Variants in DPP10 observed in about 807,000 individuals in gnomAD.
DPP10 encodes dipeptidyl peptidase like 10.
In DPP10, 33 loss-of-function variants were observed where a neutral mutation model predicts 120.9. The ratio of observed to expected loss-of-function variants is 0.27; its 90% CI spans 0.21 to 0.37. The LOEUF (loss-of-function observed/expected upper bound fraction) is 0.37. Ranked by LOEUF, DPP10 falls within the 10% of genes least tolerant of loss-of-function variation. DPP10 has a pLI of 1.00. For synonymous variants in DPP10, 337 were observed against 326.1 expected (o/e 1.03, Z -0.36); for missense variants, 816 against 942.8 (o/e 0.87, Z 1.76).
chr2:114,542,402 C>T (rs186574993), intron 1 of DPP10, among the ~76,000 whole-genome samples: 1 of 152,220 alleles, frequency 6.6e-6, no homozygotes, highest in East Asian at 1.9e-4. Context: ...AATGGCATAC[C>T]AGTTCTCCCC....
chr2:115,475,919 A>C (rs2075047918), intron 3 of DPP10, among the ~76,000 whole-genome samples: 1 of 152,200 alleles, frequency 6.6e-6, no homozygotes, highest in Admixed American at 6.5e-5. Flanking sequence ...GCCTATACCA[A>C]CATTGTATCT....
chr2:114,928,347 A>T (rs978506047), intron 1 of DPP10, among the ~76,000 whole-genome samples: 7 of 152,210 alleles, frequency 4.6e-5, no homozygotes, highest in Non-Finnish European at 1.0e-4. Context: ...TCTCATTCCA[A>T]GAGGGAGAGA....
At chr2:114,846,264 T>C (rs1218297273) in intron 1 of DPP10, among the ~76,000 whole-genome samples, 1 of 152,172 alleles carries the variant, frequency 6.6e-6, no homozygotes, top group East Asian at 1.9e-4. Flanking sequence ...TGACACATTA[T>C]ATTGAAAAAT....
At chr2:114,524,195 G>A (rs1558842923) in intron 1 of DPP10, among the ~76,000 whole-genome samples, 1 of 152,214 alleles carries the variant, frequency 6.6e-6, no homozygotes, top group African/African-American at 2.4e-5. Flanking sequence ...GATGACATTT[G>A]TGCTTTAGCA....
intron 1 of DPP10, among the ~76,000 whole-genome samples, chr2:114,785,085 C>G (rs953620577): frequency 3.9e-5 from 6 of 152,166 alleles, no homozygotes; most frequent in African/African-American, 9.7e-5. Context: ...GGAGTCCTTT[C>G]TGGTCACCGG....
chr2:115,056,977 C>T (rs1383145742), intron 1 of DPP10, among the ~76,000 whole-genome samples: 1 of 152,174 alleles, frequency 6.6e-6, no homozygotes. Context: ...GAATAGACTT[C>T]GCTTCACTTT....
intron 1 of DPP10, among the ~76,000 whole-genome samples, chr2:114,664,060 T>A (rs994685692): frequency 1.3e-5 from 2 of 151,978 alleles, no homozygotes; most frequent in Admixed American, 1.3e-4. Flanking sequence ...ACAGTTTGAA[T>A]ATTTTAAACT....
At chr2:115,132,945 T>G (rs1313157683) in intron 1 of DPP10, among the ~76,000 whole-genome samples, 1 of 151,834 alleles carries the variant, frequency 6.6e-6, no homozygotes, top group East Asian at 1.9e-4. Context: ...CAAGTAGTGT[T>G]AGAAATTTCC....
At chr2:115,815,960 A>ATTAT (rs1687182375) in intron 21 of DPP10, among the ~76,000 whole-genome samples, 1 of 151,316 alleles carries the variant, frequency 6.6e-6, no homozygotes, top group Non-Finnish European at 1.5e-5. Flanking sequence ...ACATATATGT[A>ATTAT]TTATTTGTAT....
chr2:115,471,084 T>C (rs147002571), intron 3 of DPP10, among the ~76,000 whole-genome samples: 1 of 152,308 alleles, frequency 6.6e-6, no homozygotes, highest in Non-Finnish European at 1.5e-5. Context: ...GCATTAATAT[T>C]TATTTTGGTG....
intron 1 of DPP10, among the ~76,000 whole-genome samples, chr2:114,715,206 A>G (rs988958607): frequency 6.6e-6 from 1 of 152,220 alleles, no homozygotes; most frequent in African/African-American, 2.4e-5. Context: ...TTAAGCACCA[A>G]AATAAAGGTA....
chr2:114,662,460 T>A (rs981318456), intron 1 of DPP10, among the ~76,000 whole-genome samples: 2 of 152,080 alleles, frequency 1.3e-5, no homozygotes, highest in Non-Finnish European at 1.5e-5. Flanking sequence ...TGCTTGGACC[T>A]CGGCGTGAGA....
chr2:114,972,558 C>T (rs747059042), intron 1 of DPP10, among the ~76,000 whole-genome samples: 3 of 151,994 alleles, frequency 2.0e-5, no homozygotes, highest in Non-Finnish European at 2.9e-5. Flanking sequence ...GATGATGGAT[C>T]CATTGATTCC....
chr2:115,067,212 T>C (rs1706924974), intron 1 of DPP10, among the ~76,000 whole-genome samples: 1 of 152,202 alleles, frequency 6.6e-6, no homozygotes. Flanking sequence ...TGGTCATCCA[T>C]GTTGTTGCAA....
At chr2:115,575,328 A>C (rs1460480489) in intron 5 of DPP10, among the ~76,000 whole-genome samples, 1 of 152,188 alleles carries the variant, frequency 6.6e-6, no homozygotes, top group African/African-American at 2.4e-5. Flanking sequence ...TAAGAAAGTG[A>C]GTGTTTGGTA....
intron 1 of DPP10, among the ~76,000 whole-genome samples, chr2:115,273,588 G>A (rs1374766547): frequency 2.6e-5 from 4 of 152,082 alleles, no homozygotes; most frequent in African/African-American, 4.8e-5. Flanking sequence ...CGCCCGCCTC[G>A]GCCTCCCAAA....
intron 1 of DPP10, among the ~76,000 whole-genome samples, chr2:114,906,392 A>G (rs905109112): frequency 3.3e-5 from 5 of 151,976 alleles, no homozygotes; most frequent in Non-Finnish European, 7.4e-5. Context: ...CAAAAAAAAA[A>G]AAAAAGAAAA....
Position 115,843,732 on chromosome 2 carries a change from G to A in DPP10, c.*1387G>A, listed in dbSNP as rs1171374090. The A allele has an allele frequency of 1.3e-5, 2 of 152,194 alleles. No individual in the cohort carries two copies. Among genetic ancestry groups the A allele is most frequent in the Non-Finnish European group, 2.9e-5 (2 of 68,014 alleles). The allele number at this position is 152,194 out of a possible 1,614,324, so 9.4% of individuals were successfully genotyped here. A position where few individuals can be genotyped will look rare whatever the true frequency, so the allele number is the denominator to read the frequency against. On this transcript the variant is annotated 3_prime_UTR_variant, in exon 26 of 26. Transcript: ENST00000410059. ...TAAGTGATGAGAACATTTAACTTTGGTGACTAAAGTCAGAATATCTTCTCA... is the reference window on the plus strand; with the variant it reads ...TAAGTGATGAGAACATTTAACTTTGATGACTAAAGTCAGAATATCTTCTCA...
intron 1 of DPP10, among the ~76,000 whole-genome samples, chr2:115,190,238 T>G (rs2054771130): frequency 6.6e-6 from 1 of 152,196 alleles, no homozygotes; most frequent in Admixed American, 6.5e-5. Context: ...ATCCTGCAGC[T>G]ATTTGATCTT....
Sources: allele counts gnomAD v4.1 joint callset (sites outside exome capture counted in the v4.1 genomes callset), GRCh38; gene constraint gnomAD v4.1.1; transcripts MANE v1.5; gene names NCBI Gene and HGNC (gene_info 2026-07-23, HGNC 2026-07-21).